The following VPS13D variants were observed in gnomAD, a reference collection of about 807,000 sequenced individuals.
VPS13D encodes vacuolar protein sorting 13 homolog D.
VPS13D carries 187 observed loss-of-function variants against 461.9 expected under a neutral mutation model. The observed-to-expected ratio is 0.40, with a 90% confidence interval of 0.36 to 0.46. VPS13D has a LOEUF of 0.46. VPS13D is among the 20% of genes least tolerant of loss of function. VPS13D has a pLI of 0.60. For missense variants in VPS13D, 4,711 were observed against 5,364.9 expected (o/e 0.88, Z 3.81); for synonymous variants, 1,951 against 1,986.3 (o/e 0.98, Z 0.47).
intron 67 of VPS13D, among the ~76,000 whole-genome samples, chr1:12,489,900 T>C (rs1331308606): frequency 1.3e-5 from 2 of 152,170 alleles, no homozygotes; most frequent in African/African-American, 4.8e-5. Context: ...TCGTAAGTGG[T>C]GGAGCTGGGA....
rs768580240 is a variant in VPS13D at position 12,318,281 on chromosome 1, G to A, written c.7358G>A (p.Arg2453Gln). Residue 2453 changes from arginine to glutamine, a missense_variant, in exon 31 of 70, where the codon CGG becomes CAG. Arg to Gln is a conservative substitution (Grantham distance 43). Coordinates refer to ENST00000620676, the MANE Select transcript of VPS13D (RefSeq NM_015378.4). ...GTGAAGAGTGGAGTAGTTACCAAGC[G>A]GTCTTCCCTTCCTGTGTCCAATGAA... ...KTVKSGVVTK[R>Q]SSLPVSNERH... 1.2e-5 allele frequency: 19 copies of A among 1,613,718 alleles called. No homozygotes were observed. In the Admixed American group the frequency reaches 1.3e-4, roughly 11 times the overall value.
rs939824842 is a variant in VPS13D at position 12,460,548 on chromosome 1, A to G, written c.12662+152A>G. On this transcript the variant is annotated intron_variant, in intron 67 of 69. Coordinates refer to ENST00000620676, the MANE Select transcript of VPS13D (RefSeq NM_015378.4). ...CTGAAATTTCTGATCTGCCTAATAT[A>G]AAAAGATGAAAATGAGGTACAGAAA... 8.3e-6 allele frequency: 6 copies of G among 721,824 alleles called. No individual in the cohort carries two copies. In the African/African-American group the frequency reaches 1.1e-4, roughly 13 times the overall value. 44.7% of individuals were successfully genotyped at this position (721,824 alleles called of 1,614,324 possible). A position where few individuals can be genotyped will look rare whatever the true frequency, so the allele number is the denominator to read the frequency against.
At chr1:12,341,936 C>T (rs539936685) in intron 41 of VPS13D, 51 bp downstream of exon 41, 3 of 1,580,264 alleles carry the variant, frequency 1.9e-6, no homozygotes, top group African/African-American at 2.7e-5. Flanking sequence ...CCAAAGCCTT[C>T]TTGTGCCAGC....
chr1:12,320,520 A>G (rs531888611), intron 32 of VPS13D, among the ~76,000 whole-genome samples: 4 of 152,294 alleles, frequency 2.6e-5, no homozygotes, highest in African/African-American at 9.6e-5. Flanking sequence ...TATGGTTTTG[A>G]GACAAACATA....
At chr1:12,493,299 G>A (rs962881262) in intron 67 of VPS13D, among the ~76,000 whole-genome samples, 2 of 151,650 alleles carry the variant, frequency 1.3e-5, no homozygotes, top group African/African-American at 2.4e-5. Flanking sequence ...TGGCTAACAC[G>A]GTGAAACCCC....
intron 65 of VPS13D, among the ~76,000 whole-genome samples, chr1:12,428,207 C>T (rs1207847833): frequency 2.0e-5 from 3 of 152,162 alleles, no homozygotes; most frequent in African/African-American, 7.2e-5. Flanking sequence ...TTCCTCATAG[C>T]CACATGATGG....
At chr1:12,261,259 T>C (rs890978100) in intron 12 of VPS13D, 110 bp downstream of exon 12, 3 of 1,307,544 alleles carry the variant, frequency 2.3e-6, no homozygotes, top group African/African-American at 2.9e-5. Flanking sequence ...GAGAACAGTT[T>C]ATGTTCATAG....
At position 12,260,996 on chromosome 1, in the gene VPS13D, C is replaced by T; in HGVS notation, c.1261C>T (p.Pro421Ser). The change falls in exon 12 of 70, where the codon CCA (proline) becomes TCA (serine). Residue 421 changes from proline (P) to serine (S), a missense_variant. Coordinates refer to ENST00000620676, the MANE Select transcript of VPS13D (RefSeq NM_015378.4). ...FDSPGACPGA[P>S]EPGGGSGMLQ... ...TTCTCCAGGAGCCTGTCCGGGAGCC[C>T]CAGAACCCGGTGGAGGCAGTGGGAT... is the stretch of plus-strand genomic sequence containing the variant. 1 of 1,613,876 alleles carries T rather than the reference C, an allele frequency of 6.2e-7. No homozygotes were observed. Among genetic ancestry groups the T allele is most frequent in the Non-Finnish European group, 8.5e-7 (1 of 1,180,008 alleles).
chr1:12,361,407 T>G (rs531050808), intron 50 of VPS13D, among the ~76,000 whole-genome samples: 2 of 145,394 alleles, frequency 1.4e-5, no homozygotes. Context: ...TTATTTATTT[T>G]TTTTTTGAGA....
intron 48 of VPS13D, 27 bp downstream of exon 48, chr1:12,356,117 T>C: frequency 6.4e-7 from 1 of 1,572,768 alleles, no homozygotes; most frequent in Non-Finnish European, 8.6e-7. Flanking sequence ...CTCAAGTAGG[T>C]CTTTGGCGTT....
At chr1:12,456,304 C>T (rs1308396392) in intron 66 of VPS13D, among the ~76,000 whole-genome samples, 174 bp downstream of exon 66, 1 of 152,022 alleles carries the variant, frequency 6.6e-6, no homozygotes, top group Non-Finnish European at 1.5e-5. Flanking sequence ...GAGTTTGAGA[C>T]CAGCCTGGCC....
chr1:12,306,903 G>A lies in VPS13D; in HGVS notation c.6440-1528G>A, dbSNP rs535496768. ...ACCCCAATGAAAATCTAATCCCACC[G>A]CTGATCTGACAGTAGGCAGAGCTCA... On this transcript the variant is annotated intron_variant, in intron 26 of 69. Coordinates refer to ENST00000620676, the MANE Select transcript of VPS13D (RefSeq NM_015378.4). Among the ~76,000 whole-genome samples, 11 of 152,226 alleles carry A rather than the reference G, an allele frequency of 7.2e-5. No individual in the cohort carries two copies. The South Asian group carries it at 8.3e-4, about 11-fold the overall frequency.
At position 12,244,297 on chromosome 1, in the gene VPS13D, A is replaced by G. The variant is rs768281471; in HGVS notation, c.227A>G (p.Asp76Gly). ...LQIPFYRPHVDPWVISISSLH... is the reference protein window; with the variant it reads ...LQIPFYRPHVGPWVISISSLH... ...ATTCCCTTTTATCGCCCCCATGTGG[A>G]CCCTTGGGTGATCTCCATCTCCAGC... Residue 76 changes from aspartate to glycine, a missense_variant, in exon 4 of 70, where the codon GAC (aspartate) becomes GGC (glycine). By Grantham distance (94) the Asp-to-Gly change is moderately conservative (BLOSUM62 -1). Transcript: ENST00000620676. 127 of 1,613,980 alleles carry G rather than the reference A, an allele frequency of 7.9e-5. No homozygotes were observed. Among genetic ancestry groups the G allele is most frequent in the Non-Finnish European group, 1.0e-4 (122 of 1,179,998 alleles).
In VPS13D at chr1:12,497,532, G is replaced by T; in HGVS notation, c.12695G>T (p.Cys4232Phe). 6.2e-7 allele frequency: 1 copy of T among 1,614,132 alleles called. No individual in the cohort carries two copies. The highest frequency in any genetic ancestry group is 8.5e-7 in the Non-Finnish European group (1 of 1,179,992). ...GCACAGAGGGTTCGGAAACCGCGTTGCTGCACGGGGCCCCAGGGGCTGCTT... is the reference window on the plus strand; with the variant it reads ...GCACAGAGGGTTCGGAAACCGCGTTTCTGCACGGGGCCCCAGGGGCTGCTT... ...TQAQRVRKPR[C>F]CTGPQGLLPR... is the part of the protein sequence containing the mutation. Residue 4232 changes from cysteine to phenylalanine, a missense_variant, in exon 68 of 70, where the codon TGC becomes TTC. Transcript: ENST00000620676.
chr1:12,248,338 T>C (rs1437507875), intron 5 of VPS13D, among the ~76,000 whole-genome samples: 1 of 151,742 alleles, frequency 6.6e-6, no homozygotes, highest in South Asian at 2.1e-4. Flanking sequence ...ATTATTATTA[T>C]TATTATTATT....
intron 36 of VPS13D, among the ~76,000 whole-genome samples, chr1:12,328,756 T>A (rs764940679): frequency 6.6e-6 from 1 of 152,136 alleles, no homozygotes; most frequent in Non-Finnish European, 1.5e-5. Flanking sequence ...GTCAGGCCTG[T>A]CTCGACCTCC....
intron 43 of VPS13D, among the ~76,000 whole-genome samples, chr1:12,346,017 A>G (rs1291484245): frequency 2.0e-5 from 3 of 152,184 alleles, no homozygotes; most frequent in African/African-American, 7.2e-5. Flanking sequence ...CCAGGAAATG[A>G]TGCAGGTGGC....
At chr1:12,285,314 G>A (rs909158827) in intron 21 of VPS13D, among the ~76,000 whole-genome samples, 10 of 141,840 alleles carry the variant, frequency 7.1e-5, no homozygotes, top group South Asian at 2.2e-4. Flanking sequence ...TTTTTGAGAC[G>A]GAGTCTCGCT....
chr1:12,486,547 G>A (rs752334548), intron 67 of VPS13D, among the ~76,000 whole-genome samples: 1 of 152,180 alleles, frequency 6.6e-6, no homozygotes, highest in East Asian at 1.9e-4. Context: ...TCCTGGAAAA[G>A]TGCAGACGGT....
Sources: gnomAD v4.1 joint callset for allele counts (sites outside exome capture counted in the v4.1 genomes callset) on GRCh38, gnomAD v4.1.1 for gene constraint, MANE v1.5 for transcripts, NCBI Gene and HGNC (gene_info 2026-07-23, HGNC 2026-07-21) for gene names.